CHRNB3: variants seen among roughly 807,000 people sequenced by gnomAD.
CHRNB3 encodes cholinergic receptor nicotinic beta 3 subunit.
A neutral mutation model predicts 40.6 loss-of-function variants in CHRNB3; 37 were observed. The observed-to-expected ratio is 0.91, with a 90% CI of 0.70 to 1.20. CHRNB3 has a LOEUF of 1.20. Among genes scored for constraint, CHRNB3 ranks in the 50% most tolerant of loss-of-function variants. The pLI is 0.00. For missense variants in CHRNB3, 505 were observed against 551.2 expected (o/e 0.92, Z 0.84); for synonymous variants, 207 against 207.1 (o/e 1.00, Z 0.00).
Position 42,708,748 on chromosome 8 carries a change from T to G in CHRNB3, c.84T>G (p.Asn28Lys), listed in dbSNP as rs763771854. 6 of 1,613,960 alleles carry G rather than the reference T, an allele frequency of 3.7e-6. No individual in the cohort carries two copies. In the South Asian group the frequency reaches 5.5e-5, roughly 15 times the overall value. ...CAGGTTTCAACTCAATCGCCGAAAA[T>G]GAAGATGCCCTCCTCAGACATTTGT... ...ATTGFNSIAE[N>K]EDALLRHLFQ... The change falls in exon 2 of 6, where the codon AAT becomes AAG. Residue 28 changes from asparagine (N) to lysine (K), a missense_variant. Physicochemically the swap from Asn to Lys is moderately conservative, Grantham distance 94 (BLOSUM62 0). Transcript: ENST00000289957.
At position 42,697,436 on chromosome 8, in the gene CHRNB3, G is replaced by A; in HGVS notation, c.-111G>A. 1.2e-6 allele frequency: 1 copy of A among 866,502 alleles called. No individual in the cohort carries two copies. Among genetic ancestry groups the A allele is most frequent in the South Asian group, 1.4e-5 (1 of 71,348 alleles). 53.7% of individuals were successfully genotyped at this position (866,502 alleles called of 1,614,324 possible). A position where few individuals can be genotyped will look rare whatever the true frequency, so the allele number is the denominator to read the frequency against. Reference sequence around the variant, plus strand: ...ACTCCAGGTGTTGCTGTCCTCTTGGGTTCCACTTCGGATTTTGAACCCCTG... The same window carrying A: ...ACTCCAGGTGTTGCTGTCCTCTTGGATTCCACTTCGGATTTTGAACCCCTG... On this transcript the variant is annotated 5_prime_UTR_variant, in exon 1 of 6. Coordinates refer to ENST00000289957, the MANE Select transcript of CHRNB3 (RefSeq NM_000749.5).
chr8:42,728,502 C>T (rs1816346889), intron 3 of CHRNB3, among the ~76,000 whole-genome samples: 2 of 151,774 alleles, frequency 1.3e-5, no homozygotes, highest in Admixed American at 6.6e-5. Flanking sequence ...GCACTCCAGC[C>T]TGGGAAAAAG....
rs374984781 is a variant in CHRNB3 at position 42,730,618 on chromosome 8, T to G, written c.274T>G (p.Trp92Gly). 9.6e-5 allele frequency: 154 copies of G among 1,606,320 alleles called. 3 individuals are homozygous for G. The South Asian group carries it at 1.5e-3, about 16-fold the overall frequency. Reference sequence around the variant, plus strand: ...GGAATGGACAGACCACAAGTTACGCTGGAATCCTGATGATTATGGTGGGAT... The same window carrying G: ...GGAATGGACAGACCACAAGTTACGCGGGAATCCTGATGATTATGGTGGGAT... ...KQEWTDHKLR[W>G]NPDDYGGIHS... The change falls in exon 4 of 6, where the codon TGG (tryptophan) becomes GGG (glycine). Residue 92 changes from tryptophan to glycine, a missense_variant. Transcript: ENST00000289957.
At chr8:42,705,021 T>G (rs574409943) in intron 1 of CHRNB3, among the ~76,000 whole-genome samples, 2 of 152,270 alleles carry the variant, frequency 1.3e-5, no homozygotes, top group South Asian at 4.1e-4. Context: ...TGCCCTCCTA[T>G]GTGTGTAGCT....
At chr8:42,735,215 G>C (rs895362668) in intron 5 of CHRNB3, among the ~76,000 whole-genome samples, 1 of 149,414 alleles carries the variant, frequency 6.7e-6, no homozygotes, top group Non-Finnish European at 1.5e-5. Flanking sequence ...GCAAGACTCC[G>C]TCTCAAAAAA....
chr8:42,736,211 T>C (rs1042437887), intron 5 of CHRNB3, among the ~76,000 whole-genome samples: 2 of 152,170 alleles, frequency 1.3e-5, no homozygotes, highest in Non-Finnish European at 2.9e-5. Flanking sequence ...TTTCCTATTC[T>C]GATCAGGAAT....
intron 1 of CHRNB3, among the ~76,000 whole-genome samples, chr8:42,708,323 G>A (rs944001284): frequency 1.3e-5 from 2 of 152,050 alleles, no homozygotes; most frequent in Admixed American, 6.6e-5. Flanking sequence ...AAAATTAGCC[G>A]GGTGTGGTGG....
rs1261040874 is a variant in CHRNB3 at position 42,732,476 on chromosome 8, CT to C, written c.1175del (p.Leu392TrpfsTer15). On this transcript the variant is annotated frameshift_variant, in exon 5 of 6. Coordinates refer to ENST00000289957, the MANE Select transcript of CHRNB3 (RefSeq NM_000749.5). LOFTEE classifies it high-confidence loss of function. ...QLSDGEKVLV[A>X]FLEKAADSIR... The stretch of plus-strand genomic sequence containing the variant: ...AGTGATGGAGAAAAAGTTCTAGTTG[CT>C]TTTTTGGAAAAAGCTGCTGATTCCA... The C allele has an allele frequency of 1.2e-6, 2 of 1,611,156 alleles. No homozygotes were observed. Among genetic ancestry groups the C allele is most frequent in the Admixed American group, 1.7e-5 (1 of 59,038 alleles).
At chr8:42,727,781 T>C (rs1563614798) in intron 3 of CHRNB3, among the ~76,000 whole-genome samples, 1 of 152,020 alleles carries the variant, frequency 6.6e-6, no homozygotes. Flanking sequence ...GGGAATCGCT[T>C]GAACCCAGGA....
At chr8:42,710,068 C>G (rs768934936) in intron 2 of CHRNB3, among the ~76,000 whole-genome samples, 2 of 152,204 alleles carry the variant, frequency 1.3e-5, no homozygotes, top group African/African-American at 2.4e-5. Context: ...TGCCATTTGA[C>G]TGTTTACATG....
intron 3 of CHRNB3, among the ~76,000 whole-genome samples, chr8:42,726,648 A>C (rs1816316289): frequency 6.6e-6 from 1 of 151,902 alleles, no homozygotes; most frequent in African/African-American, 2.4e-5. Flanking sequence ...ACAGGCACCC[A>C]CCATCATGCC....
chr8:42,704,302 A>G (rs1248918316), intron 1 of CHRNB3: 1 of 152,200 alleles, frequency 6.6e-6, no homozygotes, highest in African/African-American at 2.4e-5. Context: ...GGATATAAAC[A>G]TTCAGTCCCT....
intron 3 of CHRNB3, among the ~76,000 whole-genome samples, chr8:42,721,325 G>A (rs1816214519): frequency 1.3e-5 from 2 of 152,160 alleles, no homozygotes; most frequent in South Asian, 4.1e-4. Context: ...CCCAGGACCT[G>A]GTTCCTCTCT....
At chr8:42,716,256 C>T (rs1223931460) in intron 3 of CHRNB3, among the ~76,000 whole-genome samples, 1 of 152,072 alleles carries the variant, frequency 6.6e-6, no homozygotes, top group Non-Finnish European at 1.5e-5. Context: ...GGATTACAGG[C>T]GTGAGCCACT....
At position 42,708,761 on chromosome 8, in the gene CHRNB3, C is replaced by T. The variant is rs1815962172; in HGVS notation, c.97C>T (p.Leu33Phe). 1 of 1,614,062 alleles carries T rather than the reference C, an allele frequency of 6.2e-7. No individual in the cohort carries two copies. The highest frequency in any genetic ancestry group is 8.5e-7 in the Non-Finnish European group (1 of 1,179,988). ...NSIAENEDAL[L>F]RHLFQGYQKW... ...AATCGCCGAAAATGAAGATGCCCTC[C>T]TCAGACATTTGTTCCAAGGTTATCA... The change falls in exon 2 of 6, where the codon CTC becomes TTC. Residue 33 changes from leucine (L) to phenylalanine (F), a missense_variant. Coordinates refer to ENST00000289957, the MANE Select transcript of CHRNB3 (RefSeq NM_000749.5).
At chr8:42,729,711 A>T (rs544192845) in intron 3 of CHRNB3, among the ~76,000 whole-genome samples, 1 of 151,768 alleles carries the variant, frequency 6.6e-6, no homozygotes. Flanking sequence ...AACTCTCTGA[A>T]CTCCCGCATC....
At chr8:42,700,675 C>A (rs559094090) in intron 1 of CHRNB3, among the ~76,000 whole-genome samples, 11 of 152,236 alleles carry the variant, frequency 7.2e-5, no homozygotes, top group African/African-American at 2.2e-4. Context: ...ATCAGTAAAA[C>A]CATAAATAAT....
rs753893642 is a variant in CHRNB3 at position 42,732,436 on chromosome 8, A to G, written c.1129A>G (p.Lys377Glu). Residue 377 changes from lysine to glutamate, a missense_variant, in exon 5 of 6, where the codon AAA becomes GAA. By Grantham distance (56) the Lys-to-Glu change is moderately conservative. Coordinates refer to ENST00000289957, the MANE Select transcript of CHRNB3 (RefSeq NM_000749.5). ...VVKGKVLEKK[K>E]QKQLSDGEKV... ...GAAAGGCAAAGTCCTCGAAAAAAAG[A>G]AACAGAAACAGCTTAGTGATGGAGA... The G allele has an allele frequency of 6.2e-7, 1 of 1,614,108 alleles. No individual in the cohort carries two copies. Among genetic ancestry groups the G allele is most frequent in the Non-Finnish European group, 8.5e-7 (1 of 1,180,018 alleles).
Position 42,703,435 on chromosome 8 carries a change from A to AAAAAAAAAATATATATATATATATAT in CHRNB3, c.53-5281_53-5280insAAAAAAAATATATATATATATATATA. ...CAAGACTTCGTCTAAAAAAAAAAAAAATATTTATATATATATATATATATA... is the reference window on the plus strand; with the variant it reads ...CAAGACTTCGTCTAAAAAAAAAAAAAAAAAAAAAATATATATATATATATATATATTTATATATATATATATATATA... On this transcript the variant is annotated intron_variant, in intron 1 of 5. Coordinates refer to ENST00000289957, the MANE Select transcript of CHRNB3 (RefSeq NM_000749.5). Among the ~76,000 whole-genome samples, 67 of 47,356 alleles carry AAAAAAAAAATATATATATATATATAT rather than the reference A, an allele frequency of 1.4e-3. 6 individuals carry two copies. The highest frequency in any genetic ancestry group is 2.5e-3 in the Non-Finnish European group (54 of 21,494). The allele number at this position is 47,356 out of a possible 152,430, so 31.1% of individuals were successfully genotyped here.
Sources: gnomAD v4.1 joint callset for allele counts (sites outside exome capture counted in the v4.1 genomes callset) on GRCh38, gnomAD v4.1.1 for gene constraint, MANE v1.5 for transcripts, NCBI Gene and HGNC (gene_info 2026-07-23, HGNC 2026-07-21) for gene names.